Variants in RBFOX1 observed in about 807,000 individuals in gnomAD.
RBFOX1 encodes RNA binding fox-1 homolog 1.
Under a neutral mutation model 57.7 loss-of-function variants are expected in RBFOX1, and 8 were observed. The ratio of observed to expected loss-of-function variants is 0.14; its 90% CI spans 0.08 to 0.25. The LOEUF (loss-of-function observed/expected upper bound fraction) is 0.25. RBFOX1 is among the 10% of genes least tolerant of loss of function. The pLI is 1.00. For missense variants in RBFOX1, 611 were observed against 548.5 expected, an observed-to-expected ratio of 1.11 and a Z score of -1.14; for synonymous variants, 326 against 222.4, an observed-to-expected ratio of 1.47 and a Z score of -4.15.
intron 3 of RBFOX1, among the ~76,000 whole-genome samples, chr16:6,987,415 G>GATAA (rs2153603206): frequency 6.6e-6 from 1 of 150,962 alleles, no homozygotes; most frequent in South Asian, 2.1e-4. Context: ...TATCTCCCGA[G>GATAA]CCACTAGGCT....
chr16:6,440,647 A>T (rs897717251), intron 2 of RBFOX1, among the ~76,000 whole-genome samples: 19 of 152,164 alleles, frequency 1.2e-4, no homozygotes, highest in African/African-American at 4.6e-4. Context: ...CTAAAAGTAC[A>T]AAAATTAGCT....
intron 3 of RBFOX1, among the ~76,000 whole-genome samples, chr16:6,848,336 A>G (rs1203863340): frequency 2.0e-5 from 3 of 152,142 alleles, no homozygotes; most frequent in African/African-American, 4.8e-5. Context: ...GAAGTTTGGC[A>G]TCTGCATTTT....
At chr16:5,354,810 G>A (rs1412093820) in intron 1 of RBFOX1, among the ~76,000 whole-genome samples, 1 of 152,228 alleles carries the variant, frequency 6.6e-6, no homozygotes, top group Non-Finnish European at 1.5e-5. Context: ...TCTCAGGGGA[G>A]TTTCTGAGAC....
chr16:5,579,954 A>G (rs2046606463), intron 2 of RBFOX1, among the ~76,000 whole-genome samples: 1 of 151,958 alleles, frequency 6.6e-6, no homozygotes, highest in African/African-American at 2.4e-5. Flanking sequence ...AATTTTTAGT[A>G]GAGACGGGGT....
intron 14 of RBFOX1, among the ~76,000 whole-genome samples, chr16:7,691,421 A>G (rs928871541): frequency 6.6e-6 from 1 of 151,764 alleles, no homozygotes; most frequent in Non-Finnish European, 1.5e-5. Flanking sequence ...AAAGGAGAGA[A>G]AGAACGGAAA....
intron 2 of RBFOX1, among the ~76,000 whole-genome samples, chr16:5,530,956 A>G (rs1405357781): frequency 1.1e-5 from 1 of 91,782 alleles, no homozygotes; most frequent in East Asian, 6.4e-4. Flanking sequence ...AAAAAAAAAA[A>G]AAAAAAAAAA....
intron 3 of RBFOX1, among the ~76,000 whole-genome samples, chr16:5,840,437 T>G (rs2056590972): frequency 6.6e-6 from 1 of 152,188 alleles, no homozygotes; most frequent in African/African-American, 2.4e-5. Flanking sequence ...TGCTGTGCTC[T>G]GCGGGGTAGA....
chr16:5,556,625 C>G (rs1195330617), intron 2 of RBFOX1, among the ~76,000 whole-genome samples: 2 of 152,240 alleles, frequency 1.3e-5, no homozygotes, highest in Non-Finnish European at 2.9e-5. Flanking sequence ...CCAACCCTCT[C>G]CCTCTTGGGA....
chr16:5,887,544 G>A (rs113503729), intron 4 of RBFOX1, among the ~76,000 whole-genome samples: 1,535 of 152,256 alleles, frequency 0.01, 33 homozygotes, highest in African/African-American at 0.035. Flanking sequence ...TGGGATTACA[G>A]GCACTCCCCA....
intron 3 of RBFOX1, among the ~76,000 whole-genome samples, chr16:6,746,360 C>G (rs770735464): frequency 6.6e-6 from 1 of 152,058 alleles, no homozygotes; most frequent in Non-Finnish European, 1.5e-5. Flanking sequence ...GATTTGCAGA[C>G]TTAATGGAAA....
At chr16:7,525,833 G>A (rs531503741) in intron 5 of RBFOX1, among the ~76,000 whole-genome samples, 72 of 152,276 alleles carry the variant, frequency 4.7e-4, no homozygotes, top group Non-Finnish European at 8.4e-4. Flanking sequence ...GGAGAAAGAG[G>A]TTGAAGATGT....
intron 3 of RBFOX1, among the ~76,000 whole-genome samples, chr16:6,953,645 C>A (rs976351417): frequency 1.3e-5 from 2 of 152,132 alleles, no homozygotes; most frequent in Non-Finnish European, 1.5e-5. Flanking sequence ...TCTCGGCCTC[C>A]CAAAGCGCTG....
At position 7,676,763 on chromosome 16, in the gene RBFOX1, T is replaced by TA; in HGVS notation, c.931-11_931-10insA. 6.2e-7 allele frequency: 1 copy of TA among 1,610,318 alleles called. No individual in the cohort carries two copies. Among genetic ancestry groups the TA allele is most frequent in the Non-Finnish European group, 8.5e-7 (1 of 1,177,214 alleles). On this transcript the variant is annotated splice_polypyrimidine_tract_variant and intron_variant, in intron 13 of 15. Transcript: ENST00000550418. ...CTACATTCCTGAGTCACATTTCTCC[T>TA]TGTGTTTTAGGGTGGTTATGCTGCA...
chr16:6,107,158 T>A (rs1195128626), intron 1 of RBFOX1, among the ~76,000 whole-genome samples: 1 of 152,154 alleles, frequency 6.6e-6, no homozygotes, highest in Non-Finnish European at 1.5e-5. Context: ...TTTTTTTGTT[T>A]TTTTAGTTAT....
intron 5 of RBFOX1, among the ~76,000 whole-genome samples, chr16:7,526,282 A>G (rs1004895851): frequency 1.3e-5 from 2 of 152,194 alleles, no homozygotes; most frequent in East Asian, 3.9e-4. Context: ...CTGCTGCCCT[A>G]GAGGATCTCT....
intron 1 of RBFOX1, among the ~76,000 whole-genome samples, chr16:6,070,825 C>T (rs1027929246): frequency 6.6e-6 from 1 of 151,588 alleles, no homozygotes; most frequent in Admixed American, 6.6e-5. Context: ...TCGCCCCCCC[C>T]ACACACACAT....
At chr16:7,011,352 C>T (rs1429950159) in intron 3 of RBFOX1, among the ~76,000 whole-genome samples, 2 of 152,120 alleles carry the variant, frequency 1.3e-5, no homozygotes, top group Non-Finnish European at 2.9e-5. Flanking sequence ...AAGCAATTTG[C>T]CAAGGTCTTA....
chr16:6,991,639 C>A (rs748262530), intron 3 of RBFOX1, among the ~76,000 whole-genome samples: 1 of 152,102 alleles, frequency 6.6e-6, no homozygotes, highest in African/African-American at 2.4e-5. Flanking sequence ...CAGGCTCAAG[C>A]CATCCTCCTA....
chr16:6,431,898 TTTCTTTCTTTCTTTC>T (rs1567258016), intron 2 of RBFOX1, among the ~76,000 whole-genome samples: 36 of 47,664 alleles, frequency 7.6e-4, no homozygotes, highest in African/African-American at 2.7e-3. Flanking sequence ...GCTTGCTTGC[TTTCTTTCTTTCTTTC>T]TTTCTTTCTT....
Sources: allele counts gnomAD v4.1 joint callset (sites outside exome capture counted in the v4.1 genomes callset), GRCh38; gene constraint gnomAD v4.1.1; transcripts MANE v1.5; gene names NCBI Gene and HGNC (gene_info 2026-07-23, HGNC 2026-07-21).